Variants in TAS2R1 observed in about 807,000 individuals in gnomAD.
TAS2R1 encodes the protein taste 2 receptor member 1, also known as taste receptor type 2 member 1.
For synonymous variants in TAS2R1, 141 were observed against 134.2 expected (o/e 1.05, Z -0.35); for missense variants, 370 against 353.4 (o/e 1.05, Z -0.38).
the TAS2R1 span, among the ~76,000 whole-genome samples, chr5:9,795,548 C>T: frequency 3.9e-5 from 6 of 152,062 alleles, no homozygotes; most frequent in Admixed American, 1.3e-4. Flanking sequence ...TTGGAGGTTT[C>T]GGATAATGTC....
At chr5:9,638,198 T>G (rs1467232950) in intron 2 of TAS2R1, among the ~76,000 whole-genome samples, 7 of 152,328 alleles carry the variant, frequency 4.6e-5, no homozygotes, top group African/African-American at 1.7e-4. Context: ...TTGTTGCTCT[T>G]CTGGGTTTAG....
chr5:9,713,201 G>C (rs1418963651), upstream of TAS2R1: 1 of 152,132 alleles, frequency 6.6e-6, no homozygotes, highest in Non-Finnish European at 1.5e-5. Context: ...CCCACCAGAA[G>C]AGGAACCGTG....
chr5:9,833,347 C>T, the TAS2R1 span, among the ~76,000 whole-genome samples: 5 of 152,098 alleles, frequency 3.3e-5, no homozygotes, highest in Non-Finnish European at 1.5e-5. Flanking sequence ...TGATTTTTTC[C>T]CTTGGCTTAG....
At chr5:9,802,402 C>G in the TAS2R1 span, among the ~76,000 whole-genome samples, 1 of 152,140 alleles carries the variant, frequency 6.6e-6, no homozygotes, top group East Asian at 1.9e-4. Flanking sequence ...AAGGAGCACC[C>G]CGTGGAACAA....
At chr5:9,896,322 G>A in the TAS2R1 span, among the ~76,000 whole-genome samples, 2 of 152,168 alleles carry the variant, frequency 1.3e-5, no homozygotes, top group Non-Finnish European at 2.9e-5. Flanking sequence ...GTTTGGGACT[G>A]GCTTTCTTTA....
the TAS2R1 span, among the ~76,000 whole-genome samples, chr5:9,793,309 A>G: frequency 6.6e-6 from 1 of 152,210 alleles, no homozygotes; most frequent in South Asian, 2.1e-4. Context: ...AAAGGGAATA[A>G]AACACACATG....
the TAS2R1 span, among the ~76,000 whole-genome samples, chr5:9,749,293 A>G: frequency 6.6e-6 from 1 of 152,232 alleles, no homozygotes; most frequent in East Asian, 1.9e-4. Flanking sequence ...TAGCATAGCC[A>G]TCACCATTTG....
At chr5:9,731,478 C>T in the TAS2R1 span, among the ~76,000 whole-genome samples, 1 of 152,162 alleles carries the variant, frequency 6.6e-6, no homozygotes, top group Admixed American at 6.5e-5. Flanking sequence ...GCTTCCTCAC[C>T]ATCACAACGG....
the TAS2R1 span, among the ~76,000 whole-genome samples, chr5:9,752,631 G>A: frequency 6.6e-6 from 1 of 152,082 alleles, no homozygotes; most frequent in African/African-American, 2.4e-5. Flanking sequence ...CATGTGCCAT[G>A]TTAGTGTGCT....
chr5:9,676,976 T>C (rs1740888871), intron 1 of TAS2R1, among the ~76,000 whole-genome samples: 1 of 152,162 alleles, frequency 6.6e-6, no homozygotes, highest in African/African-American at 2.4e-5. Context: ...TGCAGCACTA[T>C]TCATAATAGC....
At chr5:9,682,689 T>C (rs1436130568) in intron 1 of TAS2R1, among the ~76,000 whole-genome samples, 2 of 152,148 alleles carry the variant, frequency 1.3e-5, no homozygotes, top group African/African-American at 2.4e-5. Flanking sequence ...TGAGAAAGAA[T>C]ACTGAAAGGT....
the TAS2R1 span, among the ~76,000 whole-genome samples, chr5:9,823,496 G>A: frequency 6.9e-6 from 1 of 144,134 alleles, no homozygotes; most frequent in East Asian, 2.2e-4. Flanking sequence ...AAGGGAAGGG[G>A]AAGAGGAAGG....
At chr5:9,633,703 T>G (rs544664797), upstream of TAS2R1, among the ~76,000 whole-genome samples, 1 of 152,206 alleles carries the variant, frequency 6.6e-6, no homozygotes, top group East Asian at 1.9e-4. Flanking sequence ...TAATTAGTGA[T>G]GTTGAGCATT....
rs149172428 is a variant in TAS2R1 at position 9,651,231 on chromosome 5, C to T, written c.-81+8190G>A. On this transcript the variant is annotated intron_variant, in intron 2 of 2. Coordinates refer to the TAS2R1 transcript ENST00000506620. The stretch of plus-strand genomic sequence containing the variant: ...GCAGTCCTGGGGAGGGATGATATTA[C>T]GTTTCACATATACATCACTGGATTA... 7.1e-3 allele frequency among the ~76,000 whole-genome samples: 1,077 copies of T among 152,220 alleles called. 8 individuals are homozygous for T. The highest frequency in any genetic ancestry group is 0.011 in the Non-Finnish European group (716 of 68,016).
the TAS2R1 span, among the ~76,000 whole-genome samples, chr5:9,824,478 T>G: frequency 5.3e-5 from 8 of 152,178 alleles, no homozygotes; most frequent in African/African-American, 1.9e-4. Flanking sequence ...TCCTATAAAC[T>G]GGAAATGAGG....
chr5:9,798,479 T>C, the TAS2R1 span, among the ~76,000 whole-genome samples: 2 of 152,238 alleles, frequency 1.3e-5, no homozygotes, highest in Non-Finnish European at 2.9e-5. Context: ...AGAAAGAACA[T>C]TTAATTAGAA....
chr5:9,698,914 C>T (rs1318889543), intron 1 of TAS2R1, among the ~76,000 whole-genome samples: 1 of 152,162 alleles, frequency 6.6e-6, no homozygotes, highest in Non-Finnish European at 1.5e-5. Context: ...ATATTTTATA[C>T]AGCATATAAA....
chr5:9,810,659 G>A, the TAS2R1 span, among the ~76,000 whole-genome samples: 1 of 152,110 alleles, frequency 6.6e-6, no homozygotes, highest in Non-Finnish European at 1.5e-5. Flanking sequence ...ACCAGATGGA[G>A]CCCCTGGAAG....
the TAS2R1 span, among the ~76,000 whole-genome samples, chr5:9,844,215 AT>A: frequency 6.6e-6 from 1 of 152,142 alleles, no homozygotes; most frequent in African/African-American, 2.4e-5. Flanking sequence ...GAATTCTGCC[AT>A]TTTTCTATTA....
Sources: gnomAD v4.1 joint callset for allele counts (sites outside exome capture counted in the v4.1 genomes callset) on GRCh38, gnomAD v4.1.1 for gene constraint, MANE v1.5 for transcripts, NCBI Gene and HGNC (gene_info 2026-07-23, HGNC 2026-07-21) for gene names.